The following RARG variants were observed in gnomAD, a reference collection of about 807,000 sequenced individuals.
RARG encodes the protein retinoic acid receptor gamma.
In RARG, 17 loss-of-function variants were observed where a neutral mutation model predicts 43.7. The ratio of observed to expected loss-of-function variants is 0.39; its 90% CI spans 0.27 to 0.58. The LOEUF (loss-of-function observed/expected upper bound fraction) is 0.58. RARG is among the 20% of genes least tolerant of loss of function. RARG has a pLI of 0.57. For missense variants in RARG, 346 were observed against 598.7 expected (o/e 0.58, Z 4.40); for synonymous variants, 238 against 236.4 (o/e 1.01, Z -0.06).
intron 3 of RARG, among the ~76,000 whole-genome samples, chr12:53,217,193 T>C (rs1256203238): frequency 6.6e-6 from 1 of 151,596 alleles, no homozygotes; most frequent in Non-Finnish European, 1.5e-5. Flanking sequence ...CAGAGTGAGA[T>C]TACCCAAAGA....
rs754556103 is a variant in RARG, at chr12:53,215,386, G to A, written c.382C>T (p.Arg128Cys). ...TTGTTGATGATACAGTTTTTGTCGC[G>A]GTGACACGTGTACACCATGTTCTTC... ...IQKNMVYTCH[R>C]DKNCIINKVT... Residue 128 changes from arginine to cysteine, a missense_variant, in exon 5 of 10, where the codon CGC becomes TGC. Physicochemically the swap from Arg to Cys is radical, Grantham distance 180. Around this residue, in one of 8 missense-constraint regions of RARG, gnomAD observed 50 missense variants for 117.7 expected, o/e 0.42. Transcript: ENST00000425354. The surrounding 1 kb of genome is among the most constrained non-coding windows in gnomAD (Gnocchi z 6.4). 73 of 1,613,956 alleles carry A rather than the reference G, an allele frequency of 4.5e-5. No homozygotes were observed. Among genetic ancestry groups the A allele is most frequent in the Middle Eastern group, 1.6e-4 (1 of 6,084 alleles).
chr12:53,227,590 C>T lies in RARG; in HGVS notation c.-45G>A, dbSNP rs762156984. 6.2e-6 allele frequency: 9 copies of T among 1,441,576 alleles called. No individual in the cohort carries two copies. Among genetic ancestry groups the T allele is most frequent in the African/African-American group, 5.8e-5 (4 of 68,752 alleles). The allele number at this position is 1,441,576 out of a possible 1,614,324, so 89.3% of individuals were successfully genotyped here. On this transcript the variant is annotated 5_prime_UTR_variant, in exon 3 of 10. Transcript: ENST00000425354. The surrounding 1 kb of genome is among the most constrained non-coding windows in gnomAD (Gnocchi z 4.3). ...TCCCCTGGGGTCTGCAGTGGGCGGG[C>T]GAGGTCTTCAGCCACAGCCCCTGCC...
chr12:53,221,952 G>A (rs1279285513), intron 3 of RARG, among the ~76,000 whole-genome samples: 2 of 151,078 alleles, frequency 1.3e-5, no homozygotes, highest in East Asian at 3.9e-4. Flanking sequence ...GGAGTGGGGC[G>A]CCTGTTGGAA....
chr12:53,220,244 G>T (rs1565725744), intron 3 of RARG: 2 of 1,496,378 alleles, frequency 1.3e-6, no homozygotes, highest in East Asian at 2.5e-5. Flanking sequence ...GCGGGTAAGG[G>T]GTGGGCGGGG....
chr12:53,214,369 T>C, intron 6 of RARG, 77 bp downstream of exon 6: 2 of 1,561,946 alleles, frequency 1.3e-6, no homozygotes, highest in Non-Finnish European at 1.8e-6. Context: ...CAGTCGATGA[T>C]AGCCTCCAAC....
chr12:53,221,730 C>T (rs1365849944), intron 3 of RARG, among the ~76,000 whole-genome samples: 6 of 151,392 alleles, frequency 4.0e-5, no homozygotes, highest in Admixed American at 2.6e-4. Flanking sequence ...CCGGAAATCC[C>T]CCCCTCCCCC....
chr12:53,217,722 G>A (rs1334339370), intron 3 of RARG, among the ~76,000 whole-genome samples: 1 of 152,212 alleles, frequency 6.6e-6, no homozygotes, highest in Non-Finnish European at 1.5e-5. Context: ...TGCAGCTCCT[G>A]GGTTAGGCAG....
At position 53,215,639 on chromosome 12, in the gene RARG, T is replaced by G. The variant is rs764750420; in HGVS notation, c.333+7A>C. ...CCCCCGTCTGCCCACTCCCACCACGTACACACCTTGCAGCCTTCACAAGAG... is the reference window on the plus strand; with the variant it reads ...CCCCCGTCTGCCCACTCCCACCACGGACACACCTTGCAGCCTTCACAAGAG... On this transcript the variant is annotated splice_region_variant and intron_variant, in intron 4 of 9. Coordinates refer to ENST00000425354, the MANE Select transcript of RARG (RefSeq NM_000966.6). The surrounding 1 kb of genome is among the most constrained non-coding windows in gnomAD (Gnocchi z 6.4). The G allele has an allele frequency of 8.1e-6, 13 of 1,610,942 alleles. No homozygotes were observed. The highest frequency in any genetic ancestry group is 1.1e-5 in the Non-Finnish European group (13 of 1,178,398).
intron 3 of RARG, chr12:53,220,195 G>A (rs537713298): frequency 1.3e-6 from 2 of 1,548,560 alleles, no homozygotes; most frequent in Non-Finnish European, 1.7e-6. Context: ...CTCCAGCAGG[G>A]GGGGAGGGGG....
intron 3 of RARG, among the ~76,000 whole-genome samples, chr12:53,226,284 C>A (rs566369001): frequency 6.6e-6 from 1 of 151,740 alleles, no homozygotes; most frequent in African/African-American, 2.4e-5. Flanking sequence ...TGCGCCACCA[C>A]GCCCACTAAT....
In RARG at chr12:53,213,635, G is replaced by T; in HGVS notation, c.879C>A (p.Thr293=). The change falls in exon 8 of 10, where the codon ACC becomes ACA. Residue 293 remains threonine, a synonymous_variant. Coordinates refer to ENST00000425354, the MANE Select transcript of RARG (RefSeq NM_000966.6). This position sits in a 1 kb window ranked among gnomAD's most constrained non-coding sequence, Gnocchi z 4.7. ...CATTGTGCATCTGGGTCCGGTTCAGGGTCAGCCCGTCGGAGAAGGTCATGG... is the reference window on the plus strand; with the variant it reads ...CATTGTGCATCTGGGTCCGGTTCAGTGTCAGCCCGTCGGAGAAGGTCATGG... ...QDTMTFSDGL[T]LNRTQMHNAG... is the part of the protein sequence containing the mutation. The T allele has an allele frequency of 1.2e-6, 2 of 1,614,052 alleles. No homozygotes were observed. Among genetic ancestry groups the T allele is most frequent in the Non-Finnish European group, 1.7e-6 (2 of 1,179,926 alleles).
In RARG at chr12:53,211,481, G is replaced by A; in HGVS notation, c.*195C>T. 1 of 483,736 alleles carries A rather than the reference G, an allele frequency of 2.1e-6. No homozygotes were observed. The highest frequency in any genetic ancestry group is 4.3e-5 in the Admixed American group (1 of 23,276). 30.0% of individuals were successfully genotyped at this position (483,736 alleles called of 1,614,324 possible). A position where few individuals can be genotyped will look rare whatever the true frequency, so the allele number is the denominator to read the frequency against. On this transcript the variant is annotated 3_prime_UTR_variant, in exon 10 of 10. Coordinates refer to ENST00000425354, the MANE Select transcript of RARG (RefSeq NM_000966.6). This position sits in a 1 kb window ranked among gnomAD's most constrained non-coding sequence, Gnocchi z 4.6. ...GGGAGCAGGGCAGGCCCCCGGGACT[G>A]GCGAGGGAGCCGGTTAGATCAGGAA...
In RARG at chr12:53,210,858, G is replaced by A. The variant is rs1942569804; in HGVS notation, c.*818C>T. ...ATAAATAGAGGCTTCCTCTGGGTCA[G>A]GGCGGGATCAGCTAAGCAGCATCCC... On this transcript the variant is annotated 3_prime_UTR_variant, in exon 10 of 10. Coordinates refer to ENST00000425354, the MANE Select transcript of RARG (RefSeq NM_000966.6). 1.3e-5 allele frequency: 2 copies of A among 152,840 alleles called. No individual in the cohort carries two copies. The highest frequency in any genetic ancestry group is 2.4e-5 in the African/African-American group (1 of 41,570). 9.5% of individuals were successfully genotyped at this position (152,840 alleles called of 1,614,324 possible). A position where few individuals can be genotyped will look rare whatever the true frequency, so the allele number is the denominator to read the frequency against.
chr12:53,212,105 G>T (rs1261773267), intron 9 of RARG, among the ~76,000 whole-genome samples: 1 of 152,114 alleles, frequency 6.6e-6, no homozygotes, highest in Non-Finnish European at 1.5e-5. Context: ...ATTCTTTCAG[G>T]CTGTCTCTTC....
At chr12:53,220,526 C>G (rs1372634628) in intron 3 of RARG, 1 of 341,504 alleles carries the variant, frequency 2.9e-6, no homozygotes, top group Non-Finnish European at 5.3e-6. Flanking sequence ...CACATCCGTG[C>G]ATGCATTTAT....
chr12:53,224,129 G>A (rs982667444), intron 3 of RARG, among the ~76,000 whole-genome samples: 3 of 151,908 alleles, frequency 2.0e-5, no homozygotes, highest in Non-Finnish European at 2.9e-5. Context: ...GCACACACAC[G>A]TACACACACC....
Position 53,227,709 on chromosome 12 carries a change from G to A in RARG, c.-142-22C>T, listed in dbSNP as rs1943141439. 4 of 1,253,750 alleles carry A rather than the reference G, an allele frequency of 3.2e-6. No individual in the cohort carries two copies. Among genetic ancestry groups the A allele is most frequent in the Non-Finnish European group, 4.1e-6 (4 of 977,046 alleles). 77.7% of individuals were successfully genotyped at this position (1,253,750 alleles called of 1,614,324 possible). On this transcript the variant is annotated intron_variant, in intron 2 of 9. Coordinates refer to ENST00000425354, the MANE Select transcript of RARG (RefSeq NM_000966.6). The surrounding 1 kb of genome is among the most constrained non-coding windows in gnomAD (Gnocchi z 4.3). ...AGTCCTAGGGAGAAAGAGAGAGAAA[G>A]GAGAGATGAGAGAATGACCACTCTG...
chr12:53,215,210 A>G lies in RARG; in HGVS notation c.475+83T>C, dbSNP rs1390215179. 7 of 1,538,340 alleles carry G rather than the reference A, an allele frequency of 4.6e-6. No individual in the cohort carries two copies. Among genetic ancestry groups the G allele is most frequent in the Non-Finnish European group, 6.2e-6 (7 of 1,131,294 alleles). On this transcript the variant is annotated intron_variant, in intron 5 of 9. Coordinates refer to ENST00000425354, the MANE Select transcript of RARG (RefSeq NM_000966.6). The surrounding 1 kb of genome is among the most constrained non-coding windows in gnomAD (Gnocchi z 6.4). ...CAGGCCAAGTCTCAGAGGTCAGGGA[A>G]GTGGGAGTGGCCAGAGGAAAGAGGG...
chr12:53,222,250 G>A (rs1430355588), intron 3 of RARG, among the ~76,000 whole-genome samples: 1 of 147,046 alleles, frequency 6.8e-6, no homozygotes. Context: ...AAAAGAAAGA[G>A]AAAGAAAGAA....
Sources: allele counts gnomAD v4.1 joint callset (sites outside exome capture counted in the v4.1 genomes callset), GRCh38; gene constraint gnomAD v4.1.1; regional missense constraint gnomAD v4.1.1; non-coding constraint Gnocchi (gnomAD v3.1); transcripts MANE v1.5; gene names NCBI Gene and HGNC (gene_info 2026-07-23, HGNC 2026-07-21).